The following DLGAP2 variants were observed in gnomAD, a reference collection of about 807,000 sequenced individuals.
The protein encoded by DLGAP2 is disks large-associated protein 2.
Under a neutral mutation model 100.3 loss-of-function variants are expected in DLGAP2, and 26 were observed. The observed-to-expected ratio is 0.26, with a 90% CI of 0.19 to 0.36. The LOEUF (loss-of-function observed/expected upper bound fraction) is 0.36, where lower values mean the gene tolerates loss of function less well. DLGAP2 is among the 10% of genes least tolerant of loss of function. DLGAP2 has a pLI of 1.00. For synonymous variants in DLGAP2, 886 were observed against 630.1 expected (o/e 1.41, Z -6.08); for missense variants, 1,858 against 1,453.2 (o/e 1.28, Z -4.53).
At chr8:1,081,140 TCTTA>T (rs1027269524) in intron 2 of DLGAP2, among the ~76,000 whole-genome samples, 7 of 152,198 alleles carry the variant, frequency 4.6e-5, no homozygotes, top group African/African-American at 1.7e-4. Context: ...GTGCCACCTT[TCTTA>T]CTGTTTTCTC....
intron 2 of DLGAP2, among the ~76,000 whole-genome samples, chr8:1,145,745 T>C (rs1241225268): frequency 1.2e-4 from 17 of 147,086 alleles, no homozygotes; most frequent in Middle Eastern, 6.8e-3. Flanking sequence ...GTATATCTCC[T>C]AATGCTATCC....
intron 3 of DLGAP2, among the ~76,000 whole-genome samples, chr8:1,500,978 C>G (rs1017988721): frequency 2.0e-5 from 3 of 152,196 alleles, no homozygotes; most frequent in Admixed American, 6.5e-5. Flanking sequence ...ATGCAGGGCC[C>G]TCATGGGACT....
At chr8:1,115,410 T>G (rs938747093) in intron 2 of DLGAP2, among the ~76,000 whole-genome samples, 1 of 152,228 alleles carries the variant, frequency 6.6e-6, no homozygotes, top group African/African-American at 2.4e-5. Context: ...TTAGGCCTTC[T>G]TGTTGAATTG....
At chr8:889,059 C>T (rs181737381) in intron 1 of DLGAP2, among the ~76,000 whole-genome samples, 24 of 152,292 alleles carry the variant, frequency 1.6e-4, no homozygotes, top group African/African-American at 5.8e-4. Context: ...GGGTTGTTCT[C>T]TGGCGGGCAG....
At chr8:933,410 G>A (rs1215402583) in intron 2 of DLGAP2, among the ~76,000 whole-genome samples, 1 of 150,936 alleles carries the variant, frequency 6.6e-6, no homozygotes, top group African/African-American at 2.4e-5. Flanking sequence ...CGAGGGTGAG[G>A]GCAGAGCCTG....
chr8:1,222,857 G>A (rs1045881360), intron 2 of DLGAP2, among the ~76,000 whole-genome samples: 1 of 152,112 alleles, frequency 6.6e-6, no homozygotes, highest in African/African-American at 2.4e-5. Flanking sequence ...CAGTCAGAGG[G>A]GCGTTCAGAT....
At chr8:1,649,322 A>G (rs1296311756) in intron 8 of DLGAP2, among the ~76,000 whole-genome samples, 1 of 150,944 alleles carries the variant, frequency 6.6e-6, no homozygotes, top group Non-Finnish European at 1.5e-5. Flanking sequence ...CCCAGTGTGT[A>G]AATTCTTTTT....
At chr8:1,228,596 C>T (rs1381019117) in intron 2 of DLGAP2, among the ~76,000 whole-genome samples, 3 of 152,124 alleles carry the variant, frequency 2.0e-5, no homozygotes, top group South Asian at 2.1e-4. Flanking sequence ...AGAACATACC[C>T]AACTAGATTT....
chr8:835,084 CGT>C (rs1479071580), intron 1 of DLGAP2, among the ~76,000 whole-genome samples: 1 of 152,056 alleles, frequency 6.6e-6, no homozygotes, highest in Non-Finnish European at 1.5e-5. Flanking sequence ...TTGGTGTGCA[CGT>C]GTGTTAATGT....
intron 8 of DLGAP2, among the ~76,000 whole-genome samples, chr8:1,651,948 C>G (rs1363623015): frequency 6.6e-6 from 1 of 152,204 alleles, no homozygotes; most frequent in Non-Finnish European, 1.5e-5. Context: ...AGAGCCTCGT[C>G]AGAGCCGGGC....
chr8:1,381,492 C>G, intron 3 of DLGAP2: 1 of 152,256 alleles, frequency 6.6e-6, no homozygotes, highest in East Asian at 1.9e-4. Context: ...ATTAACACAC[C>G]TGTCCTCATC....
intron 2 of DLGAP2, among the ~76,000 whole-genome samples, chr8:1,170,128 C>G (rs1797097493): frequency 6.6e-6 from 1 of 152,186 alleles, no homozygotes; most frequent in African/African-American, 2.4e-5. Flanking sequence ...TTTTCTGCGT[C>G]TATTAAGATA....
chr8:810,410 G>A (rs1796349949), intron 1 of DLGAP2, among the ~76,000 whole-genome samples: 1 of 152,208 alleles, frequency 6.6e-6, no homozygotes, highest in African/African-American at 2.4e-5. Flanking sequence ...TGGCAATACA[G>A]TGATTTTAAA....
intron 2 of DLGAP2, among the ~76,000 whole-genome samples, chr8:954,673 A>G (rs375307020): frequency 1.2e-4 from 19 of 152,212 alleles, no homozygotes; most frequent in African/African-American, 3.4e-4. Flanking sequence ...AATAAGCAAT[A>G]TATTGATTAT....
intron 3 of DLGAP2, among the ~76,000 whole-genome samples, chr8:1,447,951 A>G (rs1339002958): frequency 6.6e-6 from 1 of 151,724 alleles, no homozygotes; most frequent in Non-Finnish European, 1.5e-5. Flanking sequence ...ATCTTTTTTT[A>G]TTGCATCTAT....
intron 6 of DLGAP2, among the ~76,000 whole-genome samples, chr8:1,572,496 G>A (rs1279661525): frequency 1.2e-4 from 16 of 137,044 alleles, no homozygotes; most frequent in South Asian, 2.6e-4. Context: ...GGTGAACTGT[G>A]GGGGCATCTT....
intron 4 of DLGAP2, among the ~76,000 whole-genome samples, chr8:1,508,133 A>G (rs1372676192): frequency 6.6e-6 from 1 of 151,830 alleles, no homozygotes; most frequent in East Asian, 1.9e-4. Context: ...TTAAAGTTAG[A>G]CACATCTAAC....
At chr8:1,466,279 G>C (rs1798622735) in intron 3 of DLGAP2, among the ~76,000 whole-genome samples, 1 of 152,024 alleles carries the variant, frequency 6.6e-6, no homozygotes, top group Admixed American at 6.5e-5. Context: ...TGGCTTAACT[G>C]ACAATTTGGT....
chr8:1,031,079 G>A (rs988026556), intron 2 of DLGAP2, among the ~76,000 whole-genome samples: 6 of 152,198 alleles, frequency 3.9e-5, no homozygotes, highest in Admixed American at 6.5e-5. Context: ...AGCCTGCCTG[G>A]CGTCTGCGGG....
Sources: gnomAD v4.1 joint callset for allele counts (sites outside exome capture counted in the v4.1 genomes callset) on GRCh38, gnomAD v4.1.1 for gene constraint, MANE v1.5 for transcripts, NCBI Gene and HGNC (gene_info 2026-07-23, HGNC 2026-07-21) for gene names.